The following MRPS27 variants were observed in gnomAD, a reference collection of about 807,000 sequenced individuals.
The protein encoded by MRPS27 is small ribosomal subunit protein mS27.
Under a neutral mutation model 48.9 loss-of-function variants are expected in MRPS27, and 43 were observed. The observed-to-expected ratio is 0.88, with a 90% CI of 0.69 to 1.13. The LOEUF is 1.13. Ranked by LOEUF, MRPS27 falls within the 50% of genes most tolerant of loss-of-function variation. The pLI, the probability that MRPS27 is intolerant of heterozygous loss-of-function variation, is 0.00. For missense variants in MRPS27, 467 were observed against 476.3 expected (o/e 0.98, Z 0.18); for synonymous variants, 188 against 171.9 (o/e 1.09, Z -0.73).
intron 4 of MRPS27, among the ~76,000 whole-genome samples, chr5:72,261,043 T>C (rs373166747): frequency 6.6e-6 from 1 of 152,188 alleles, no homozygotes; most frequent in East Asian, 1.9e-4. Context: ...TTTGTATTTT[T>C]AGTAGAGACA....
chr5:72,247,314 A>G lies in MRPS27; in HGVS notation c.282-9186T>C, dbSNP rs1476149042. 6.6e-5 allele frequency among the ~76,000 whole-genome samples: 10 copies of G among 152,336 alleles called. 1 individual carries two copies. In the South Asian group the frequency reaches 1.9e-3, roughly 28 times the overall value. ...TCCAGCACTTAAGTTTAATGACTGT[A>G]AAAGACAATAAGCCTATATCTACTC... On this transcript the variant is annotated intron_variant, in intron 4 of 10. Coordinates refer to ENST00000261413, the MANE Select transcript of MRPS27 (RefSeq NM_015084.3).
rs1205904293 is a variant in MRPS27, at chr5:72,220,517, G to T, written c.*392C>A. 5.9e-6 allele frequency: 1 copy of T among 168,478 alleles called. No homozygotes were observed. Among genetic ancestry groups the T allele is most frequent in the African/African-American group, 2.4e-5 (1 of 41,816 alleles). 10.4% of individuals were successfully genotyped at this position (168,478 alleles called of 1,614,324 possible). ...AGCCTGGGTGACAGAATGAGACTCTGTCTCAAAAAACAAAAACAACAAAAA... is the reference window on the plus strand; with the variant it reads ...AGCCTGGGTGACAGAATGAGACTCTTTCTCAAAAAACAAAAACAACAAAAA... On this transcript the variant is annotated 3_prime_UTR_variant, in exon 11 of 11. Transcript: ENST00000261413.
chr5:72,315,934 C>A (rs1436169904), intron 1 of MRPS27, among the ~76,000 whole-genome samples: 1 of 152,022 alleles, frequency 6.6e-6, no homozygotes, highest in Non-Finnish European at 1.5e-5. Flanking sequence ...CAAATGTTCA[C>A]AGTAGTATTA....
chr5:72,292,203 GTTTT>G (rs1213885749), intron 4 of MRPS27, among the ~76,000 whole-genome samples: 1 of 92,134 alleles, frequency 1.1e-5, no homozygotes, highest in Non-Finnish European at 2.2e-5. Flanking sequence ...GGTATTACCA[GTTTT>G]TTTTTTTTTT....
Position 72,314,065 on chromosome 5 carries a change from T to A in MRPS27, c.151+16A>T. Reference sequence around the variant, plus strand: ...TGACCGAAAATGACACATATAATAGTCCAATAGGTACCTACCAAGACAGTA... The same window carrying A: ...TGACCGAAAATGACACATATAATAGACCAATAGGTACCTACCAAGACAGTA... On this transcript the variant is annotated intron_variant, in intron 2 of 10. Transcript: ENST00000261413. The A allele has an allele frequency of 6.3e-7, 1 of 1,598,186 alleles. No homozygotes were observed. Among genetic ancestry groups the A allele is most frequent in the South Asian group, 1.1e-5 (1 of 90,360 alleles).
At chr5:72,315,899 C>A (rs1204047182) in intron 1 of MRPS27, among the ~76,000 whole-genome samples, 1 of 152,176 alleles carries the variant, frequency 6.6e-6, no homozygotes, top group African/African-American at 2.4e-5. Flanking sequence ...AAAATGAAAA[C>A]TTGTGTCCAC....
At chr5:72,270,193 C>CAATAATAATAAT (rs66874536) in intron 4 of MRPS27, among the ~76,000 whole-genome samples, 112 of 140,322 alleles carry the variant, frequency 8.0e-4, no homozygotes, top group African/African-American at 2.4e-3. Flanking sequence ...AACTCCATCT[C>CAATAATAATAAT]AATAATAATA....
chr5:72,272,953 A>G (rs1278483110), intron 4 of MRPS27, among the ~76,000 whole-genome samples: 1 of 152,218 alleles, frequency 6.6e-6, no homozygotes, highest in African/African-American at 2.4e-5. Flanking sequence ...CTAGTGTTAT[A>G]TATGTTTAAA....
At chr5:72,287,901 C>A (rs1026871809) in intron 4 of MRPS27, among the ~76,000 whole-genome samples, 3 of 152,150 alleles carry the variant, frequency 2.0e-5, no homozygotes, top group Non-Finnish European at 4.4e-5. Context: ...TCATTCTACC[C>A]CTAGCTATTT....
At chr5:72,314,436 G>A in intron 1 of MRPS27, 1 of 244,514 alleles carries the variant, frequency 4.1e-6, no homozygotes, top group Non-Finnish European at 8.1e-6. Flanking sequence ...CTGGAATGCA[G>A]TAGCTATTCA....
At chr5:72,297,317 T>A (rs927429957) in intron 3 of MRPS27, among the ~76,000 whole-genome samples, 2 of 152,148 alleles carry the variant, frequency 1.3e-5, no homozygotes, top group African/African-American at 4.8e-5. Flanking sequence ...GTAAATATCA[T>A]TACTTTGAAG....
chr5:72,263,586 G>T (rs1749037015), intron 4 of MRPS27, among the ~76,000 whole-genome samples: 1 of 150,058 alleles, frequency 6.7e-6, no homozygotes, highest in Non-Finnish European at 1.5e-5. Flanking sequence ...TTAATAAATG[G>T]CAAAGTACTT....
chr5:72,222,443 T>C (rs926044734), intron 10 of MRPS27: 1 of 152,216 alleles, frequency 6.6e-6, no homozygotes, highest in African/African-American at 2.4e-5. Flanking sequence ...AGTCAATAAA[T>C]ACTTGCCTTT....
intron 4 of MRPS27, among the ~76,000 whole-genome samples, chr5:72,265,384 A>C (rs1230003639): frequency 6.6e-6 from 1 of 152,220 alleles, no homozygotes; most frequent in Non-Finnish European, 1.5e-5. Flanking sequence ...TAAGGGAATG[A>C]TTCCTCACAG....
chr5:72,223,916 G>A (rs1335075084), intron 9 of MRPS27, 66 bp from the exon 10 acceptor site: 4 of 1,501,378 alleles, frequency 2.7e-6, no homozygotes, highest in Admixed American at 2.0e-5. Flanking sequence ...GTGAAGAAAG[G>A]CTAGAGAAGG....
At chr5:72,260,986 C>T (rs1292421703) in intron 4 of MRPS27, among the ~76,000 whole-genome samples, 3 of 152,118 alleles carry the variant, frequency 2.0e-5, no homozygotes, top group African/African-American at 7.2e-5. Flanking sequence ...GCCTCAGTCT[C>T]CCAAGTAGCT....
In MRPS27 at chr5:72,314,130, A is replaced by G; in HGVS notation, c.102T>C (p.Tyr34=). 2.5e-6 allele frequency: 4 copies of G among 1,613,174 alleles called. No homozygotes were observed. The highest frequency in any genetic ancestry group is 3.4e-6 in the Non-Finnish European group (4 of 1,179,468). Residue 34 remains tyrosine, a synonymous_variant, in exon 2 of 11, where the codon TAT becomes TAC. Coordinates refer to ENST00000261413, the MANE Select transcript of MRPS27 (RefSeq NM_015084.3). The part of the protein sequence containing the change: ...AGKRYLLSSA[Y]VDSHKWEARE... ...TTGCTTCCCATTTGTGGCTGTCTAC[A>G]TAGGCTGAAGAAAGCAGGTATCTTT... is the stretch of plus-strand genomic sequence containing the variant.
intron 1 of MRPS27, chr5:72,319,939 G>A: frequency 1.6e-6 from 1 of 606,160 alleles, no homozygotes. Flanking sequence ...ACCTTCCACT[G>A]CTCTTCGTAC....
At chr5:72,295,067 A>G (rs72761138) in intron 4 of MRPS27, among the ~76,000 whole-genome samples, 1 of 152,112 alleles carries the variant, frequency 6.6e-6, no homozygotes, top group Non-Finnish European at 1.5e-5. Flanking sequence ...GTGTGTGTAT[A>G]AATTTTCACC....
Sources: allele counts gnomAD v4.1 joint callset (sites outside exome capture counted in the v4.1 genomes callset), GRCh38; gene constraint gnomAD v4.1.1; transcripts MANE v1.5; gene names NCBI Gene and HGNC (gene_info 2026-07-23, HGNC 2026-07-21).